Variants in LRMDA observed in about 807,000 individuals in gnomAD.
LRMDA encodes the protein leucine rich melanocyte differentiation associated, also known as leucine-rich melanocyte differentiation-associated protein.
In LRMDA, 18 loss-of-function variants were observed where a neutral mutation model predicts 29.8. The ratio of observed to expected loss-of-function variants is 0.60; its 90% CI spans 0.42 to 0.90. LRMDA has a LOEUF of 0.90. LRMDA is among the 40% of genes least tolerant of loss of function. The pLI is 0.00. For synonymous variants in LRMDA, 125 were observed against 109.4 expected, an observed-to-expected ratio of 1.14 and a Z score of -0.89; for missense variants, 273 against 273.9, an observed-to-expected ratio of 1.00 and a Z score of 0.02.
intron 2 of LRMDA, among the ~76,000 whole-genome samples, chr10:75,737,398 G>A (rs1407231888): frequency 6.6e-6 from 1 of 152,212 alleles, no homozygotes; most frequent in Non-Finnish European, 1.5e-5. Context: ...GGAACGTTGG[G>A]CCATCCCAAG....
Position 76,190,295 on chromosome 10 carries a change from G to T in LRMDA, c.516+131512G>T, listed in dbSNP as rs117981186. On this transcript the variant is annotated intron_variant, in intron 5 of 6. Transcript: ENST00000611255. The stretch of plus-strand genomic sequence containing the variant: ...TCATTTTCAAGCTGAACAAGAATAC[G>T]CCCTGGAAGTACAGGAAAAGACTTC... Among the ~76,000 whole-genome samples the T allele has an allele frequency of 5.5e-4, 83 of 152,172 alleles. No individual in the cohort carries two copies. In the East Asian group the frequency reaches 8.7e-3, roughly 16 times the overall value.
chr10:75,578,215 CAAAAAAAAAA>C (rs1183989010), intron 2 of LRMDA, among the ~76,000 whole-genome samples: 3 of 14,226 alleles, frequency 2.1e-4, no homozygotes, highest in Admixed American at 3.2e-3. Flanking sequence ...AAATGGAAAG[CAAAAAAAAAA>C]AAAAAAAAAA....
intron 2 of LRMDA, among the ~76,000 whole-genome samples, chr10:75,755,764 C>G (rs1260463792): frequency 6.6e-6 from 1 of 152,216 alleles, no homozygotes; most frequent in Non-Finnish European, 1.5e-5. Flanking sequence ...GCATCAAAAG[C>G]TAGCCAGGCT....
intron 2 of LRMDA, among the ~76,000 whole-genome samples, chr10:75,771,698 T>A (rs1843243350): frequency 6.6e-6 from 1 of 152,114 alleles, no homozygotes; most frequent in Admixed American, 6.6e-5. Context: ...GCCTTCTGTT[T>A]CTGCTTTCAG....
intron 2 of LRMDA, among the ~76,000 whole-genome samples, chr10:75,748,282 T>C (rs1011459226): frequency 6.6e-6 from 1 of 152,096 alleles, no homozygotes; most frequent in African/African-American, 2.4e-5. Context: ...TTACTAGAGA[T>C]GGGGTTTTAC....
intron 2 of LRMDA, among the ~76,000 whole-genome samples, chr10:75,576,502 G>T (rs1274042529): frequency 6.6e-6 from 1 of 152,242 alleles, no homozygotes. Flanking sequence ...AGATCTCCCA[G>T]CACAGCGTTG....
intron 2 of LRMDA, among the ~76,000 whole-genome samples, chr10:75,912,118 C>T (rs1212145696): frequency 6.6e-6 from 1 of 152,124 alleles, no homozygotes; most frequent in South Asian, 2.1e-4. Flanking sequence ...GCATGAACTC[C>T]AGCTGGACAC....
intron 4 of LRMDA, among the ~76,000 whole-genome samples, chr10:76,049,034 A>G (rs761629440): frequency 1.1e-4 from 17 of 152,176 alleles, no homozygotes; most frequent in South Asian, 2.1e-4. Flanking sequence ...CCCATTTGGA[A>G]TCAGATCCAT....
intron 2 of LRMDA, among the ~76,000 whole-genome samples, chr10:75,465,652 C>T (rs1844640959): frequency 6.6e-6 from 1 of 152,204 alleles, no homozygotes; most frequent in African/African-American, 2.4e-5. Flanking sequence ...GTTGAACATG[C>T]TTGGCATCAC....
intron 6 of LRMDA, among the ~76,000 whole-genome samples, chr10:76,374,055 A>G (rs895784744): frequency 2.0e-5 from 3 of 152,220 alleles, no homozygotes; most frequent in South Asian, 2.1e-4. Context: ...TAGATTATCT[A>G]TCTTCCATAG....
intron 2 of LRMDA, among the ~76,000 whole-genome samples, chr10:75,590,181 G>A (rs997096644): frequency 5.9e-5 from 9 of 151,888 alleles, no homozygotes; most frequent in African/African-American, 2.2e-4. Flanking sequence ...ATCACACCTG[G>A]CTAATTTTTT....
In LRMDA at chr10:75,725,294, A is replaced by C. The variant is rs576742748; in HGVS notation, c.131+286800A>C. Among the ~76,000 whole-genome samples the C allele has an allele frequency of 4.6e-5, 7 of 152,322 alleles. No individual in the cohort carries two copies. In the South Asian group the frequency reaches 1.5e-3, roughly 32 times the overall value. On this transcript the variant is annotated intron_variant, in intron 2 of 6. Coordinates refer to ENST00000611255, the MANE Select transcript of LRMDA (RefSeq NM_001305581.2). The stretch of plus-strand genomic sequence containing the variant: ...CCGGTTATTTTCTGCAGTAGCCACT[A>C]CTGGATCAAAATGGAGTTTACAGGG...
At chr10:75,438,217 T>A (rs889659232) in intron 1 of LRMDA, among the ~76,000 whole-genome samples, 177 bp from the exon 2 acceptor site, 1 of 152,078 alleles carries the variant, frequency 6.6e-6, no homozygotes, top group Non-Finnish European at 1.5e-5. Flanking sequence ...GTTGGTGGAG[T>A]CCTTGGAGCC....
intron 2 of LRMDA, among the ~76,000 whole-genome samples, chr10:75,627,806 T>C (rs1841270828): frequency 6.6e-6 from 1 of 152,236 alleles, no homozygotes; most frequent in African/African-American, 2.4e-5. Context: ...AGATTTCAGA[T>C]GTATTCAAGA....
chr10:75,668,533 T>C (rs1184213192), intron 2 of LRMDA, among the ~76,000 whole-genome samples: 2 of 152,206 alleles, frequency 1.3e-5, no homozygotes, highest in African/African-American at 4.8e-5. Context: ...CCAAGTGTAA[T>C]GCCATGAAGA....
chr10:76,006,496 C>T (rs1460530256), intron 2 of LRMDA, among the ~76,000 whole-genome samples: 1 of 152,142 alleles, frequency 6.6e-6, no homozygotes, highest in East Asian at 1.9e-4. Context: ...AGAGGAGAAA[C>T]AGCAGCCACA....
chr10:76,153,225 A>G (rs918397877), intron 5 of LRMDA, among the ~76,000 whole-genome samples: 7 of 152,146 alleles, frequency 4.6e-5, no homozygotes, highest in Non-Finnish European at 1.0e-4. Context: ...CTAAACCTTT[A>G]TCAGATAAAT....
chr10:76,520,673 C>G (rs1384235363), intron 6 of LRMDA, among the ~76,000 whole-genome samples: 1 of 152,110 alleles, frequency 6.6e-6, no homozygotes, highest in Non-Finnish European at 1.5e-5. Flanking sequence ...TGTCATTTAT[C>G]TGACATTATT....
intron 2 of LRMDA, among the ~76,000 whole-genome samples, chr10:75,569,955 A>G (rs1840418107): frequency 6.6e-6 from 1 of 152,262 alleles, no homozygotes; most frequent in South Asian, 2.1e-4. Flanking sequence ...CTGAAGTGGC[A>G]TGGATAACAA....
Sources: allele counts gnomAD v4.1 joint callset (sites outside exome capture counted in the v4.1 genomes callset), GRCh38; gene constraint gnomAD v4.1.1; transcripts MANE v1.5; gene names NCBI Gene and HGNC (gene_info 2026-07-23, HGNC 2026-07-21).